The following TF variants were observed in gnomAD, a reference collection of about 807,000 sequenced individuals.
TF encodes the protein serotransferrin.
TF carries 55 observed loss-of-function variants against 82.4 expected under a neutral mutation model. The ratio of observed to expected loss-of-function variants is 0.67; its 90% CI spans 0.54 to 0.84. The LOEUF (loss-of-function observed/expected upper bound fraction) is 0.84, where lower values mean the gene tolerates loss of function less well. Ranked by LOEUF, TF falls within the 40% of genes least tolerant of loss-of-function variation. TF has a pLI of 0.00. For synonymous variants in TF, 332 were observed against 332.6 expected, an observed-to-expected ratio of 1.00 and a Z score of 0.02; for missense variants, 737 against 868.4, an observed-to-expected ratio of 0.85 and a Z score of 1.90.
At chr3:133,662,108 G>C in the TF span, 1 of 152,272 alleles carries the variant, frequency 6.6e-6, no homozygotes, top group Non-Finnish European at 1.5e-5. Context: ...TTTGCTGGGC[G>C]GGCCTAGTCT....
At chr3:133,707,208 A>C in the TF span, among the ~76,000 whole-genome samples, 1 of 151,510 alleles carries the variant, frequency 6.6e-6, no homozygotes, top group Non-Finnish European at 1.5e-5. Context: ...ACACACACAC[A>C]CACACACACA....
Position 133,746,410 on chromosome 3 carries a change from T to A in TF, c.-31T>A, listed in dbSNP as rs1169321551. The A allele has an allele frequency of 6.3e-7, 1 of 1,588,706 alleles. No individual in the cohort carries two copies. The highest frequency in any genetic ancestry group is 1.7e-5 in the Admixed American group (1 of 57,398). On this transcript the variant is annotated 5_prime_UTR_variant, in exon 1 of 17. Transcript: ENST00000402696. ...GAGGCTGCACAGAAGCGAGTCCGACTGTGCTCGCTGCTCAGCGCCGCACCC... is the reference window on the plus strand; with the variant it reads ...GAGGCTGCACAGAAGCGAGTCCGACAGTGCTCGCTGCTCAGCGCCGCACCC...
At position 133,795,238 on chromosome 3, in the gene TF, G is replaced by A. The variant is rs1934936313; in HGVS notation, c.*16618G>A. The A allele has an allele frequency of 6.6e-6, 1 of 152,254 alleles. No homozygotes were observed. Among genetic ancestry groups the A allele is most frequent in the Non-Finnish European group, 1.5e-5 (1 of 68,024 alleles). 9.4% of individuals were successfully genotyped at this position (152,254 alleles called of 1,614,324 possible). On this transcript the variant is annotated 3_prime_UTR_variant, in exon 17 of 17. Transcript: ENST00000402696. Reference sequence around the variant, plus strand: ...TGTTTAATCTATTTGAGTTTAGGAGGTTTGGTTTATGGTGACCCTGGATAA... The same window carrying A: ...TGTTTAATCTATTTGAGTTTAGGAGATTTGGTTTATGGTGACCCTGGATAA...
chr3:133,681,197 G>A, the TF span, among the ~76,000 whole-genome samples: 1 of 152,210 alleles, frequency 6.6e-6, no homozygotes, highest in Non-Finnish European at 1.5e-5. Context: ...AGTCACCGAA[G>A]TTAAGATACT....
At chr3:133,675,424 T>A in the TF span, among the ~76,000 whole-genome samples, 1 of 152,110 alleles carries the variant, frequency 6.6e-6, no homozygotes, top group East Asian at 1.9e-4. Context: ...AAGTCAAATA[T>A]CCCTAAGTTT....
chr3:133,778,914 T>TTG lies in TF; in HGVS notation c.*301_*302dup. 2.7e-6 allele frequency: 1 copy of TTG among 368,052 alleles called. No homozygotes were observed. Among genetic ancestry groups the TTG allele is most frequent in the South Asian group, 2.3e-5 (1 of 42,930 alleles). 22.8% of individuals were successfully genotyped at this position (368,052 alleles called of 1,614,324 possible). A position where few individuals can be genotyped will look rare whatever the true frequency, so the allele number is the denominator to read the frequency against. ...ATTCGTCTGGTCTTTCCCTACAGCT[T>TTG]TGTGTGTGCCATGGCCACATCTCCT... On this transcript the variant is annotated 3_prime_UTR_variant, in exon 17 of 17. Transcript: ENST00000402696.
upstream of TF, among the ~76,000 whole-genome samples, chr3:133,742,875 A>C (rs974227294): frequency 6.6e-6 from 1 of 152,156 alleles, no homozygotes; most frequent in Non-Finnish European, 1.5e-5. Context: ...AAGCGCAGCT[A>C]TTTCTTTAAG....
the TF span, among the ~76,000 whole-genome samples, chr3:133,708,573 T>C: frequency 6.6e-6 from 1 of 151,988 alleles, no homozygotes; most frequent in South Asian, 2.1e-4. Flanking sequence ...CTCTAAAATA[T>C]ATTTTCAGAG....
the TF span, among the ~76,000 whole-genome samples, chr3:133,676,401 G>T: frequency 6.6e-6 from 1 of 152,174 alleles, no homozygotes; most frequent in Non-Finnish European, 1.5e-5. Context: ...GCTCCTCCAG[G>T]GCTCTTGGCG....
chr3:133,752,112 T>C (rs79938367), intron 2 of TF, among the ~76,000 whole-genome samples: 1 of 151,736 alleles, frequency 6.6e-6, no homozygotes, highest in East Asian at 1.9e-4. Context: ...TTTTTTTTTT[T>C]TTGAGAGTCT....
chr3:133,732,279 T>G, the TF span, among the ~76,000 whole-genome samples: 1 of 152,304 alleles, frequency 6.6e-6, no homozygotes, highest in East Asian at 1.9e-4. Flanking sequence ...GGAGAACTTT[T>G]CTGTCTAGCT....
At position 133,757,839 on chromosome 3, in the gene TF, T is replaced by C. The variant is rs1454654570; in HGVS notation, c.941T>C (p.Phe314Ser). The C allele has an allele frequency of 6.2e-7, 1 of 1,614,224 alleles. No homozygotes were observed. Among genetic ancestry groups the C allele is most frequent in the South Asian group, 1.1e-5 (1 of 91,084 alleles). ...FSSPHGKDLL[F>S]KDSAHGFLKV... ...TCTCCTCATGGGAAGGACCTGCTGT[T>C]TAAGGACTCTGCCCACGGGTTTTTA... Residue 314 changes from phenylalanine (F) to serine (S), a missense_variant, in exon 8 of 17, where the codon TTT becomes TCT. Phe to Ser is a radical substitution (Grantham distance 155, BLOSUM62 -2). Coordinates refer to ENST00000402696, the MANE Select transcript of TF (RefSeq NM_001063.4).
At chr3:133,748,217 G>C (rs1933558450) in intron 1 of TF, 195 bp from the exon 2 acceptor site, 1 of 688,180 alleles carries the variant, frequency 1.5e-6, no homozygotes, top group Admixed American at 2.3e-5. Flanking sequence ...GTAGGAAACT[G>C]GGAGGCCATT....
In TF at chr3:133,784,147, G is replaced by A. The variant is rs1243188129; in HGVS notation, c.*5527G>A. The A allele has an allele frequency of 6.6e-6, 1 of 152,344 alleles. No individual in the cohort carries two copies. Among genetic ancestry groups the A allele is most frequent in the African/African-American group, 2.4e-5 (1 of 41,462 alleles). 9.4% of individuals were successfully genotyped at this position (152,344 alleles called of 1,614,324 possible). On this transcript the variant is annotated 3_prime_UTR_variant, in exon 17 of 17. Coordinates refer to ENST00000402696, the MANE Select transcript of TF (RefSeq NM_001063.4). ...AAAGTCCTTAATGGGCCCAGAAGGTGAGGGGAGTCCGGCAATGAGGGGTGG... is the reference window on the plus strand; with the variant it reads ...AAAGTCCTTAATGGGCCCAGAAGGTAAGGGGAGTCCGGCAATGAGGGGTGG...
chr3:133,722,239 G>A, the TF span, among the ~76,000 whole-genome samples: 1 of 151,530 alleles, frequency 6.6e-6, no homozygotes, highest in African/African-American at 2.4e-5. Context: ...GGCTACTTCT[G>A]CTTGCTTCTG....
the TF span, among the ~76,000 whole-genome samples, chr3:133,710,429 A>G: frequency 6.6e-6 from 1 of 151,802 alleles, no homozygotes; most frequent in Non-Finnish European, 1.5e-5. Context: ...CGCCCCCACC[A>G]CTTCTCTGCT....
At chr3:133,679,569 C>CTTTTTTTTTT in the TF span, among the ~76,000 whole-genome samples, 62 of 75,374 alleles carry the variant, frequency 8.2e-4, 2 homozygotes, top group Non-Finnish European at 9.7e-4. Flanking sequence ...CTTTGTTTGG[C>CTTTTTTTTTT]TTTTTTTTTT....
chr3:133,721,638 C>G, the TF span, among the ~76,000 whole-genome samples: 1 of 152,000 alleles, frequency 6.6e-6, no homozygotes, highest in East Asian at 1.9e-4. Flanking sequence ...TTTCTTTTTG[C>G]TTATTTTTTG....
chr3:133,765,886 A>G (rs1934115068), intron 11 of TF, among the ~76,000 whole-genome samples: 1 of 152,136 alleles, frequency 6.6e-6, no homozygotes, highest in African/African-American at 2.4e-5. Context: ...TCTTTTGCTT[A>G]TTGATCTTTT....
Sources: gnomAD v4.1 joint callset for allele counts (sites outside exome capture counted in the v4.1 genomes callset) on GRCh38, gnomAD v4.1.1 for gene constraint, MANE v1.5 for transcripts, NCBI Gene and HGNC (gene_info 2026-07-23, HGNC 2026-07-21) for gene names.